KAZN: variants seen among roughly 807,000 people sequenced by gnomAD.
The protein encoded by KAZN is kazrin, periplakin interacting protein.
Under a neutral mutation model 87.4 loss-of-function variants are expected in KAZN, and 40 were observed. The ratio of observed to expected loss-of-function variants is 0.46; its 90% CI spans 0.36 to 0.60. The LOEUF (loss-of-function observed/expected upper bound fraction) is 0.60, where lower values mean the gene tolerates loss of function less well. Among genes scored for constraint, KAZN ranks in the 20% least tolerant of loss-of-function variants. KAZN has a pLI of 0.00. For synonymous variants in KAZN, 466 were observed against 458.3 expected (o/e 1.02, Z -0.22); for missense variants, 898 against 1,073.9 (o/e 0.84, Z 2.29).
chr1:14,138,788 A>G (rs1036050740), intron 1 of KAZN, among the ~76,000 whole-genome samples: 1 of 152,104 alleles, frequency 6.6e-6, no homozygotes, highest in Non-Finnish European at 1.5e-5. Flanking sequence ...CTCGACTCCC[A>G]CTAGTGGAAT....
chr1:14,085,059 G>A (rs1268315127), intron 1 of KAZN, among the ~76,000 whole-genome samples: 1 of 152,088 alleles, frequency 6.6e-6, no homozygotes, highest in African/African-American at 2.4e-5. Flanking sequence ...TGATTCCTGG[G>A]TTCTTTCATT....
chr1:13,920,550 A>G (rs1485162893), intron 1 of KAZN, among the ~76,000 whole-genome samples: 3 of 152,044 alleles, frequency 2.0e-5, no homozygotes, highest in African/African-American at 7.2e-5. Flanking sequence ...CTCAACAGTC[A>G]AAGACAGGTT....
At chr1:15,023,562 C>A (rs1284195237) in intron 2 of KAZN, among the ~76,000 whole-genome samples, 1 of 152,046 alleles carries the variant, frequency 6.6e-6, no homozygotes, top group Non-Finnish European at 1.5e-5. Flanking sequence ...GGGTACAGGA[C>A]CTGGAGACAG....
chr1:15,039,101 T>A (rs923999557), intron 3 of KAZN, among the ~76,000 whole-genome samples: 28 of 151,974 alleles, frequency 1.8e-4, no homozygotes, highest in Non-Finnish European at 1.6e-4. Context: ...ACCTACTGTA[T>A]ACAGACATGA....
At chr1:14,328,662 C>T (rs1023391870) in intron 2 of KAZN, among the ~76,000 whole-genome samples, 5 of 149,916 alleles carry the variant, frequency 3.3e-5, no homozygotes, top group Non-Finnish European at 1.5e-5. Flanking sequence ...GAGATTGCAC[C>T]ACTGTACTCC....
intron 1 of KAZN, among the ~76,000 whole-genome samples, chr1:13,988,451 T>C (rs566611190): frequency 4.6e-5 from 7 of 152,282 alleles, no homozygotes; most frequent in Middle Eastern, 3.4e-3. Flanking sequence ...AGTAGGGTTC[T>C]TTTACTTATG....
intron 1 of KAZN, among the ~76,000 whole-genome samples, chr1:14,910,061 T>TAATGAATG (rs113826124): frequency 0.024 from 3,591 of 147,308 alleles, 56 homozygotes; most frequent in Middle Eastern, 0.031. Flanking sequence ...AATAAATAAA[T>TAATGAATG]AATGAATGAA....
chr1:13,971,212 C>G (rs531213594), intron 1 of KAZN, among the ~76,000 whole-genome samples: 3 of 152,292 alleles, frequency 2.0e-5, no homozygotes, highest in Admixed American at 1.3e-4. Flanking sequence ...TATGGCCTTG[C>G]AGGGATATAA....
intron 2 of KAZN, among the ~76,000 whole-genome samples, chr1:14,207,830 G>A (rs923339535): frequency 3.3e-5 from 5 of 152,164 alleles, no homozygotes; most frequent in Admixed American, 6.5e-5. Context: ...AGAGCTAGAG[G>A]GCCACACAAG....
At chr1:14,765,033 TCTC>T (rs1644849542) in intron 1 of KAZN, among the ~76,000 whole-genome samples, 1 of 152,184 alleles carries the variant, frequency 6.6e-6, no homozygotes, top group Non-Finnish European at 1.5e-5. Context: ...ACAAGTTTGA[TCTC>T]CTCCTCCAGG....
chr1:14,832,161 G>A (rs192870164), intron 1 of KAZN, among the ~76,000 whole-genome samples: 3 of 149,840 alleles, frequency 2.0e-5, no homozygotes, highest in South Asian at 2.1e-4. Flanking sequence ...GCACCATTGC[G>A]CTCCAGCCTG....
chr1:13,898,058 G>A (rs79898791), intron 1 of KAZN, among the ~76,000 whole-genome samples: 1 of 152,152 alleles, frequency 6.6e-6, no homozygotes, highest in Non-Finnish European at 1.5e-5. Context: ...TCAGGTGGGA[G>A]CTTAAGGCCA....
intron 1 of KAZN, among the ~76,000 whole-genome samples, chr1:14,142,297 A>G (rs10803462): frequency 0.44 from 66,142 of 151,980 alleles, 14,755 homozygotes; most frequent in Middle Eastern, 0.51. Flanking sequence ...TGCATGCACA[A>G]TTAGAAGCGT....
At chr1:14,407,185 G>C (rs1321863470) in intron 2 of KAZN, among the ~76,000 whole-genome samples, 3 of 152,160 alleles carry the variant, frequency 2.0e-5, no homozygotes, top group Non-Finnish European at 4.4e-5. Context: ...CCTCGTTTTT[G>C]TATTTTCAAC....
intron 2 of KAZN, among the ~76,000 whole-genome samples, chr1:14,419,942 C>G (rs1049213750): frequency 6.6e-6 from 1 of 152,098 alleles, no homozygotes; most frequent in African/African-American, 2.4e-5. Flanking sequence ...ACAAAACTTC[C>G]ACAAGGTGGA....
chr1:14,134,152 C>A (rs143042104), intron 1 of KAZN, among the ~76,000 whole-genome samples: 16 of 152,238 alleles, frequency 1.1e-4, no homozygotes, highest in African/African-American at 3.4e-4. Context: ...CATCTGCATG[C>A]CTAGATTCTG....
intron 1 of KAZN, among the ~76,000 whole-genome samples, chr1:14,920,889 C>T (rs1377117572): frequency 6.6e-6 from 1 of 152,100 alleles, no homozygotes; most frequent in African/African-American, 2.4e-5. Context: ...TGGTGGAGAA[C>T]TGAGCAGAAA....
At chr1:14,715,465 G>T (rs569315727) in intron 1 of KAZN, among the ~76,000 whole-genome samples, 2 of 152,202 alleles carry the variant, frequency 1.3e-5, no homozygotes, top group Non-Finnish European at 2.9e-5. Flanking sequence ...TCCTCCATTC[G>T]CAGCAGAGCT....
chr1:14,011,273 C>T (rs1236713709), intron 1 of KAZN, among the ~76,000 whole-genome samples: 9 of 152,220 alleles, frequency 5.9e-5, no homozygotes, highest in Non-Finnish European at 8.8e-5. Context: ...ATTCGTTTCG[C>T]ACTCTTTCTT....
Sources: allele counts gnomAD v4.1 joint callset (sites outside exome capture counted in the v4.1 genomes callset), GRCh38; gene constraint gnomAD v4.1.1; transcripts MANE v1.5; gene names NCBI Gene and HGNC (gene_info 2026-07-23, HGNC 2026-07-21).